Variants in MROH2B observed in about 807,000 individuals in gnomAD.
MROH2B encodes maestro heat like repeat family member 2B.
A neutral mutation model predicts 208.6 loss-of-function variants in MROH2B; 177 were observed. The ratio of observed to expected loss-of-function variants is 0.85; its 90% CI spans 0.75 to 0.96. MROH2B has a LOEUF of 0.96. Among genes scored for constraint, MROH2B ranks in the 40% least tolerant of loss-of-function variants. MROH2B has a pLI of 0.00. For synonymous variants in MROH2B, 728 were observed against 659.0 expected (o/e 1.10, Z -1.60); for missense variants, 2,002 against 1,878.7 (o/e 1.07, Z -1.21).
chr5:41,004,255 G>A, intron 37 of MROH2B, 91 bp downstream of exon 37: 1 of 1,438,008 alleles, frequency 7.0e-7, no homozygotes, highest in Non-Finnish European at 9.4e-7. Context: ...AATATGGGTG[G>A]GACACTGACA....
rs1258951428 is a variant in MROH2B, at chr5:40,999,750, G to A, written c.4512C>T (p.Ile1504=). ...AGAAGGTGAAGGAGTGTGTGTGGAG[G>A]ATCCACAGAATTTCCTGGTTTTTCT... ...LAKKNQEILW[I]LHTHSFTFFT... The change falls in exon 40 of 42, where the codon ATC becomes ATT. Residue 1504 remains isoleucine (I), a synonymous_variant. Transcript: ENST00000399564. The A allele has an allele frequency of 6.2e-7, 1 of 1,613,622 alleles. No homozygotes were observed.
At chr5:41,006,138 A>T (rs1241751404) in intron 34 of MROH2B, among the ~76,000 whole-genome samples, 1 of 152,174 alleles carries the variant, frequency 6.6e-6, no homozygotes, top group Non-Finnish European at 1.5e-5. Context: ...ATTTAAATGC[A>T]GTTTGTCTAA....
intron 6 of MROH2B, among the ~76,000 whole-genome samples, chr5:41,059,758 C>T (rs1743577392): frequency 6.6e-6 from 1 of 152,166 alleles, no homozygotes; most frequent in Non-Finnish European, 1.5e-5. Context: ...TATTCTCCAT[C>T]ATGAGTTCTT....
chr5:41,042,178 A>C lies in MROH2B; in HGVS notation c.1867T>G (p.Leu623Val), dbSNP rs967059267. The change falls in exon 19 of 42, where the codon TTA becomes GTA. Residue 623 changes from leucine (L) to valine (V), a missense_variant. By Grantham distance (32) the Leu-to-Val change is conservative. Transcript: ENST00000399564. ...KFLWKALGTT[L>V]ACCQDSDFVN... ...AAGTCTGAATCTTGGCAGCATGCTAAGGTGGTTCCCAAGGCTTTCCAAAGG... is the reference window on the plus strand; with the variant it reads ...AAGTCTGAATCTTGGCAGCATGCTACGGTGGTTCCCAAGGCTTTCCAAAGG... 1.9e-5 allele frequency: 31 copies of C among 1,590,216 alleles called. No homozygotes were observed. In the Admixed American group the frequency reaches 2.1e-4, roughly 11 times the overall value.
chr5:41,006,120 A>G (rs909877299), intron 34 of MROH2B, among the ~76,000 whole-genome samples: 5 of 152,158 alleles, frequency 3.3e-5, no homozygotes, highest in African/African-American at 9.6e-5. Flanking sequence ...GGCCTATCCA[A>G]TTGTCCAATT....
rs374763075 is a variant in MROH2B at position 41,054,826 on chromosome 5, C to G, written c.1048G>C (p.Asp350His). 1 of 1,611,056 alleles carries G rather than the reference C, an allele frequency of 6.2e-7. No homozygotes were observed. The highest frequency in any genetic ancestry group is 1.7e-5 in the Admixed American group (1 of 59,720). ...GTTCTTTCTATTGAAATGATGTGAT[C>G]CCTCAACCTGGGCTCTGAAAGACAG... ...AVNADEPRLR[D>H]HIISIERTVK... The change falls in exon 11 of 42, where the codon GAT becomes CAT. Residue 350 changes from aspartate (D) to histidine (H), a missense_variant. Coordinates refer to ENST00000399564, the MANE Select transcript of MROH2B (RefSeq NM_173489.5).
intron 6 of MROH2B, 65 bp from the exon 7 acceptor site, chr5:41,058,268 C>G: frequency 7.1e-7 from 1 of 1,409,748 alleles, no homozygotes; most frequent in Non-Finnish European, 9.3e-7. Flanking sequence ...GTTTTCAGAA[C>G]ACCAGGAGCT....
Position 41,042,908 on chromosome 5 carries a change from T to A in MROH2B, c.1837-700A>T, listed in dbSNP as rs544058986. 1.2e-4 allele frequency among the ~76,000 whole-genome samples: 19 copies of A among 152,262 alleles called. No individual in the cohort carries two copies. The East Asian group carries it at 2.9e-3, about 23-fold the overall frequency. On this transcript the variant is annotated intron_variant, in intron 18 of 41. Transcript: ENST00000399564. ...GTATGAGCCACCATGCCCAACCCATTATTTTGAAGATGGCTTTAATTTGTT... is the reference window on the plus strand; with the variant it reads ...GTATGAGCCACCATGCCCAACCCATAATTTTGAAGATGGCTTTAATTTGTT...
At chr5:41,045,073 A>G (rs1743074190) in intron 18 of MROH2B, among the ~76,000 whole-genome samples, 1 of 152,166 alleles carries the variant, frequency 6.6e-6, no homozygotes, top group Non-Finnish European at 1.5e-5. Context: ...TTCAAACCCC[A>G]TTTGGAATGG....
chr5:41,035,112 T>C (rs913577838), intron 21 of MROH2B, among the ~76,000 whole-genome samples: 1 of 151,996 alleles, frequency 6.6e-6, no homozygotes, highest in Non-Finnish European at 1.5e-5. Context: ...AAAATTCATA[T>C]GGAACAACGA....
Position 41,055,856 on chromosome 5 carries a change from C to T in MROH2B, c.920-1G>A, listed in dbSNP as rs771507387. On this transcript the variant is annotated splice_acceptor_variant, in intron 9 of 41. Transcript: ENST00000399564. LOFTEE classifies it high-confidence loss of function. ...ATCAGCTCTCCAGGATTGGAATGGGCTGCAGGTTCAAGAAACACTAGAGCT... is the reference window on the plus strand; with the variant it reads ...ATCAGCTCTCCAGGATTGGAATGGGTTGCAGGTTCAAGAAACACTAGAGCT... 6.2e-7 allele frequency: 1 copy of T among 1,607,364 alleles called. No homozygotes were observed. The highest frequency in any genetic ancestry group is 8.5e-7 in the Non-Finnish European group (1 of 1,174,040).
At chr5:41,067,315 A>G (rs994053573) in intron 2 of MROH2B, 97 bp from the exon 3 acceptor site, 6 of 676,404 alleles carry the variant, frequency 8.9e-6, no homozygotes, top group South Asian at 4.9e-5. Flanking sequence ...TAAGCAATAT[A>G]TCTTTACTAC....
chr5:41,008,382 T>C (rs903223096), intron 33 of MROH2B, among the ~76,000 whole-genome samples: 1 of 152,302 alleles, frequency 6.6e-6, no homozygotes, highest in African/African-American at 2.4e-5. Context: ...AAAGAAAGCA[T>C]AGCCCCTTAT....
rs528068504 is a variant in MROH2B at position 41,053,195 on chromosome 5, T to G, written c.1108-608A>C. ...CACAATTTCAGAGTCCAAACAACTA[T>G]GAAAACTGGATTTTTGTTTCTTAAA... On this transcript the variant is annotated intron_variant, in intron 11 of 41. Coordinates refer to ENST00000399564, the MANE Select transcript of MROH2B (RefSeq NM_173489.5). Among the ~76,000 whole-genome samples the G allele has an allele frequency of 6.0e-4, 91 of 152,208 alleles. 1 individual carries two copies. Among genetic ancestry groups the G allele is most frequent in the Non-Finnish European group, 2.4e-4 (16 of 68,028 alleles).
chr5:41,069,079 G>C (rs893210238), intron 2 of MROH2B, among the ~76,000 whole-genome samples: 68 of 152,112 alleles, frequency 4.5e-4, no homozygotes, highest in African/African-American at 1.6e-3. Flanking sequence ...GTTGTTCTTA[G>C]TTGAGCAAGT....
rs199947222 is a variant in MROH2B, at chr5:41,051,042, A to T, written c.1279T>A (p.Ser427Thr). 2.6e-6 allele frequency: 4 copies of T among 1,560,950 alleles called. No homozygotes were observed. The African/African-American group carries it at 5.6e-5, about 22-fold the overall frequency. The change falls in exon 13 of 42, where the codon TCT becomes ACT. Residue 427 changes from serine to threonine, a missense_variant. Transcript: ENST00000399564. ...NFHENEKEEESVRETSLEVLK... is the reference protein window; with the variant it reads ...NFHENEKEEETVRETSLEVLK... ...ACCTCAAGGCTTGTTTCTCGGACAG[A>T]TTCCTCTTCCTTTTCATTCTCATGA...
rs191615575 is a variant in MROH2B at position 41,001,406 on chromosome 5, C to T, written c.4195-573G>A. On this transcript the variant is annotated intron_variant, in intron 37 of 41. Transcript: ENST00000399564. ...CTTGTTTTTGGTCCAGGATGGCAGG[C>T]GATGATTTTAGGAAGCCAAGAGAGG... Among the ~76,000 whole-genome samples, 38 of 151,996 alleles carry T rather than the reference C, an allele frequency of 2.5e-4. 1 individual carries two copies. The East Asian group carries it at 5.8e-3, about 23-fold the overall frequency.
At chr5:41,045,649 TC>T in intron 18 of MROH2B, 96 bp downstream of exon 18, 1 of 839,348 alleles carries the variant, frequency 1.2e-6, no homozygotes, top group Non-Finnish European at 2.0e-6. Context: ...TAAATGTTCC[TC>T]CCTCCCTTTG....
chr5:41,070,778 A>G (rs996508350), intron 1 of MROH2B, 47 bp downstream of exon 1: 1 of 1,595,334 alleles, frequency 6.3e-7, no homozygotes, highest in Non-Finnish European at 8.6e-7. Flanking sequence ...CCACAGAAAC[A>G]AAACACAGGG....
Sources: allele counts gnomAD v4.1 joint callset (sites outside exome capture counted in the v4.1 genomes callset), GRCh38; gene constraint gnomAD v4.1.1; transcripts MANE v1.5; gene names NCBI Gene and HGNC (gene_info 2026-07-23, HGNC 2026-07-21).